The following LRBA variants were observed in gnomAD, a reference collection of about 807,000 sequenced individuals.
LRBA encodes the protein lipopolysaccharide-responsive and beige-like anchor protein.
A neutral mutation model predicts 330.0 loss-of-function variants in LRBA; 176 were observed. The observed-to-expected ratio is 0.53, with a 90% confidence interval of 0.47 to 0.60. The LOEUF (loss-of-function observed/expected upper bound fraction) is 0.60, where lower values mean the gene tolerates loss of function less well. Among genes scored for constraint, LRBA ranks in the 20% least tolerant of loss-of-function variants. LRBA has a pLI of 0.00. For synonymous variants in LRBA, 1,230 were observed against 1,193.0 expected (o/e 1.03, Z -0.64); for missense variants, 3,259 against 3,444.8 (o/e 0.95, Z 1.35).
chr4:150,991,456 T>C (rs1742073803), intron 2 of LRBA, among the ~76,000 whole-genome samples: 1 of 152,202 alleles, frequency 6.6e-6, no homozygotes, highest in Admixed American at 6.5e-5. Flanking sequence ...ATCCATAGAA[T>C]AGAATACTTC....
rs370492712 is a variant in LRBA at position 150,868,260 on chromosome 4, C to A, written c.2495G>T (p.Cys832Phe). ...IATLLRNSPQCPESMEVRRAF... is the reference protein window; with the variant it reads ...IATLLRNSPQFPESMEVRRAF... ...TCTGCGAACCTCCATGCTCTCTGGG[C>A]ACTGGGGAGAATTTCGAAGTAGGGT... The change falls in exon 21 of 57, where the codon TGC (cysteine) becomes TTC (phenylalanine). Residue 832 changes from cysteine (C) to phenylalanine (F), a missense_variant. Cys to Phe is a radical substitution (Grantham distance 205). Coordinates refer to ENST00000651943, the MANE Select transcript of LRBA (RefSeq NM_001364905.1). 178 of 1,612,256 alleles carry A rather than the reference C, an allele frequency of 1.1e-4. No individual in the cohort carries two copies. The highest frequency in any genetic ancestry group is 1.4e-4 in the Non-Finnish European group (168 of 1,178,806).
chr4:150,535,466 T>C (rs1764551141), intron 40 of LRBA, among the ~76,000 whole-genome samples: 1 of 152,166 alleles, frequency 6.6e-6, no homozygotes, highest in African/African-American at 2.4e-5. Context: ...TTTCACTCAT[T>C]TTTCTTGATT....
chr4:150,412,493 G>A (rs1747143543), intron 47 of LRBA, among the ~76,000 whole-genome samples: 2 of 152,128 alleles, frequency 1.3e-5, no homozygotes, highest in African/African-American at 2.4e-5. Context: ...TGGCTCTTCT[G>A]AGGTGAAGGC....
chr4:150,550,696 G>A (rs1766473828), intron 40 of LRBA, among the ~76,000 whole-genome samples: 1 of 152,134 alleles, frequency 6.6e-6, no homozygotes, highest in Non-Finnish European at 1.5e-5. Flanking sequence ...CCCAAAATAT[G>A]ATGAGTTAGA....
intron 37 of LRBA, among the ~76,000 whole-genome samples, chr4:150,675,415 C>G (rs563286480): frequency 9.9e-5 from 15 of 152,150 alleles, no homozygotes; most frequent in African/African-American, 3.4e-4. Flanking sequence ...TGAGATAATC[C>G]TTATAAAAAT....
chr4:150,265,911 C>G lies in LRBA; in HGVS notation c.8469-99G>C, dbSNP rs138450020. The G allele has an allele frequency of 2.3e-3, 1,702 of 747,552 alleles. 26 individuals are homozygous for G. The highest frequency in any genetic ancestry group is 4.7e-4 in the Middle Eastern group (2 of 4,272). The allele number at this position is 747,552 out of a possible 1,614,324, so 46.3% of individuals were successfully genotyped here. On this transcript the variant is annotated intron_variant, in intron 56 of 56. Transcript: ENST00000651943. The stretch of plus-strand genomic sequence containing the variant: ...CAAATCCACAAGGTAAATATAGAAG[C>G]TGGCAGTGAAGGCTCCAATTTGTGG...
intron 5 of LRBA, among the ~76,000 whole-genome samples, chr4:150,918,280 T>C (rs1246844274): frequency 6.6e-6 from 1 of 152,142 alleles, no homozygotes; most frequent in Non-Finnish European, 1.5e-5. Context: ...AAAGGACAAG[T>C]AAAATTTTAA....
intron 34 of LRBA, among the ~76,000 whole-genome samples, chr4:150,777,643 A>C (rs1390722986): frequency 1.3e-5 from 2 of 152,116 alleles, no homozygotes; most frequent in African/African-American, 4.8e-5. Flanking sequence ...ATGTATTAAC[A>C]CAAAACTGAG....
At chr4:150,838,588 A>G (rs185007715) in intron 28 of LRBA, among the ~76,000 whole-genome samples, 127 of 152,260 alleles carry the variant, frequency 8.3e-4, no homozygotes, top group Middle Eastern at 6.8e-3. Flanking sequence ...CAAATTGGCT[A>G]CTGAAGCTTG....
chr4:150,969,052 A>G (rs1184392686), intron 2 of LRBA, among the ~76,000 whole-genome samples: 1 of 152,192 alleles, frequency 6.6e-6, no homozygotes, highest in African/African-American at 2.4e-5. Flanking sequence ...ATTTTAAGCC[A>G]ACTGTTGAGA....
At position 150,418,961 on chromosome 4, in the gene LRBA, A is replaced by AT. The variant is rs536895421; in HGVS notation, c.7042-3372dup. Among the ~76,000 whole-genome samples, 96 of 149,846 alleles carry AT rather than the reference A, an allele frequency of 6.4e-4. No homozygotes were observed. The South Asian group carries it at 0.015, about 23-fold the overall frequency. On this transcript the variant is annotated intron_variant, in intron 46 of 56. Coordinates refer to ENST00000651943, the MANE Select transcript of LRBA (RefSeq NM_001364905.1). ...CAAGTTCTCAAAATCTACAGTCAGC[A>AT]TTTTTTTTTTCCCCAGCCTGGGGGA...
chr4:150,579,139 T>C (rs1416045827), intron 40 of LRBA: 1 of 434,710 alleles, frequency 2.3e-6, no homozygotes, highest in African/African-American at 2.0e-5. Context: ...TTTAATAGAA[T>C]ATAGTATCTC....
intron 40 of LRBA, chr4:150,579,069 C>A: frequency 2.9e-6 from 1 of 345,552 alleles, no homozygotes. Flanking sequence ...ACAGATGAAT[C>A]GGTCTGAAGA....
intron 55 of LRBA, among the ~76,000 whole-genome samples, chr4:150,282,219 G>A (rs1747623885): frequency 6.6e-6 from 1 of 152,184 alleles, no homozygotes; most frequent in South Asian, 2.1e-4. Context: ...CTCTTCTATT[G>A]AAGGACCGTC....
At chr4:150,972,089 A>C (rs557823568) in intron 2 of LRBA, among the ~76,000 whole-genome samples, 59 of 152,162 alleles carry the variant, frequency 3.9e-4, no homozygotes, top group Non-Finnish European at 6.2e-4. Flanking sequence ...GAAACTAATG[A>C]GCACCATCTC....
chr4:150,607,564 T>A (rs1406495043), intron 37 of LRBA, among the ~76,000 whole-genome samples: 2 of 150,896 alleles, frequency 1.3e-5, no homozygotes, highest in Non-Finnish European at 3.0e-5. Flanking sequence ...GTAAGTAATA[T>A]AACACTGGAA....
chr4:150,333,010 CAA>C (rs911135359), intron 48 of LRBA, among the ~76,000 whole-genome samples: 2 of 151,552 alleles, frequency 1.3e-5, no homozygotes, highest in Admixed American at 6.6e-5. Flanking sequence ...GAAAAAGAGA[CAA>C]TATATATAGA....
chr4:150,319,815 G>C (rs1287606609), intron 50 of LRBA, among the ~76,000 whole-genome samples: 1 of 152,046 alleles, frequency 6.6e-6, no homozygotes, highest in Non-Finnish European at 1.5e-5. Flanking sequence ...CCAAGTTTTT[G>C]TTTGAATGTC....
chr4:150,333,070 A>C (rs886648490), intron 48 of LRBA, among the ~76,000 whole-genome samples: 1 of 152,188 alleles, frequency 6.6e-6, no homozygotes, highest in African/African-American at 2.4e-5. Context: ...AGAAAGAAAT[A>C]AGAGATAAAA....
Sources: gnomAD v4.1 joint callset for allele counts (sites outside exome capture counted in the v4.1 genomes callset) on GRCh38, gnomAD v4.1.1 for gene constraint, MANE v1.5 for transcripts, NCBI Gene and HGNC (gene_info 2026-07-23, HGNC 2026-07-21) for gene names.